Variants in CDH9 observed in about 807,000 individuals in gnomAD.
CDH9 encodes the protein cadherin-9.
Under a neutral mutation model 70.9 loss-of-function variants are expected in CDH9, and 28 were observed. The ratio of observed to expected loss-of-function variants is 0.40; its 90% CI spans 0.29 to 0.54. CDH9 has a LOEUF of 0.54. Ranked by LOEUF, CDH9 falls within the 20% of genes least tolerant of loss-of-function variation. The pLI is 0.59. For synonymous variants in CDH9, 409 were observed against 343.1 expected, an observed-to-expected ratio of 1.19 and a Z score of -2.12; for missense variants, 874 against 984.4, an observed-to-expected ratio of 0.89 and a Z score of 1.50.
chr5:26,903,352 T>C (rs934581690), intron 6 of CDH9: 4 of 498,912 alleles, frequency 8.0e-6, no homozygotes, highest in African/African-American at 7.9e-5. Flanking sequence ...TGGCTGTGTG[T>C]TTATATTTTC....
intron 2 of CDH9, among the ~76,000 whole-genome samples, chr5:26,982,975 G>A (rs181873468): frequency 9.2e-5 from 14 of 152,112 alleles, no homozygotes; most frequent in East Asian, 1.9e-4. Context: ...GTGAGCCACC[G>A]CGCCTGGTCT....
chr5:26,919,781 C>T (rs1303791568), intron 2 of CDH9, among the ~76,000 whole-genome samples: 1 of 152,056 alleles, frequency 6.6e-6, no homozygotes, highest in Non-Finnish European at 1.5e-5. Flanking sequence ...TCCAGACACA[C>T]CCTGGGCCAG....
intron 11 of CDH9, among the ~76,000 whole-genome samples, chr5:26,884,794 T>C (rs186390521): frequency 3.2e-4 from 49 of 152,270 alleles, no homozygotes; most frequent in African/African-American, 1.1e-3. Context: ...TTGGGCTGAA[T>C]ATTTGATAGA....
chr5:27,007,401 C>T (rs1003222541), intron 1 of CDH9, among the ~76,000 whole-genome samples: 2 of 151,866 alleles, frequency 1.3e-5, no homozygotes, highest in African/African-American at 2.4e-5. Context: ...GGGAATTAAA[C>T]AGCTATATAA....
intron 2 of CDH9, among the ~76,000 whole-genome samples, chr5:26,968,293 T>G (rs891195714): frequency 1.5e-5 from 2 of 130,560 alleles, no homozygotes; most frequent in East Asian, 4.1e-4. Context: ...ATTTTTATTT[T>G]TATTTTTTTT....
At chr5:27,008,811 G>C (rs1242579435) in intron 1 of CDH9, among the ~76,000 whole-genome samples, 3 of 152,086 alleles carry the variant, frequency 2.0e-5, no homozygotes, top group Non-Finnish European at 4.4e-5. Flanking sequence ...TTATGAACTG[G>C]ACTATGACAG....
rs1304544612 is a variant in CDH9, at chr5:26,881,604, A to G, written c.1902T>C (p.Ala634=). Residue 634 remains alanine (A), a synonymous_variant, in exon 12 of 12, where the codon GCT becomes GCC. Transcript: ENST00000231021. ...CCTTTTTTCTTTGCCTCTTCAATGC[A>G]GCAAACAACACGACTAAAACTATTA... ...LILLILVVLF[A]ALKRQRKKEP... 1 of 1,609,696 alleles carries G rather than the reference A, an allele frequency of 6.2e-7. No individual in the cohort carries two copies. The highest frequency in any genetic ancestry group is 1.7e-5 in the Admixed American group (1 of 59,192).
intron 2 of CDH9, among the ~76,000 whole-genome samples, chr5:26,924,958 A>T (rs567376586): frequency 6.6e-6 from 1 of 152,182 alleles, no homozygotes; most frequent in East Asian, 1.9e-4. Flanking sequence ...TCACTGATGG[A>T]CATGTGGGTT....
chr5:26,890,900 T>C, intron 7 of CDH9: 1 of 190,824 alleles, frequency 5.2e-6, no homozygotes. Flanking sequence ...TAAACAGTAA[T>C]GTTAAACTTG....
At chr5:26,896,043 C>G (rs1175841451) in intron 7 of CDH9, among the ~76,000 whole-genome samples, 1 of 151,944 alleles carries the variant, frequency 6.6e-6, no homozygotes, top group Admixed American at 6.6e-5. Context: ...TTGGTAGTAC[C>G]ATCTGAAGAA....
intron 1 of CDH9, among the ~76,000 whole-genome samples, chr5:26,991,491 A>G (rs1742578194): frequency 1.3e-5 from 2 of 152,188 alleles, no homozygotes; most frequent in Admixed American, 1.3e-4. Flanking sequence ...CAGAATCGTA[A>G]TGAAGCTGGG....
chr5:27,026,210 A>G (rs1743218662), intron 1 of CDH9, among the ~76,000 whole-genome samples: 1 of 152,044 alleles, frequency 6.6e-6, no homozygotes, highest in African/African-American at 2.4e-5. Context: ...GAAACAAGAA[A>G]TGGAAAGTGT....
rs941641138 is a variant in CDH9 at position 26,886,024 on chromosome 5, A to G, written c.1572T>C (p.Phe524=). ...KDDPPRGHKF[F]FEPVPEFTLN... ...GAGTAAATTCTGGCACTGGTTCAAA[A>G]AAGAATTTGTGACCTCGGGGAGGGT... Residue 524 remains phenylalanine (F), a synonymous_variant, in exon 10 of 12, where the codon TTT becomes TTC. Coordinates refer to ENST00000231021, the MANE Select transcript of CDH9 (RefSeq NM_016279.4). 3.1e-6 allele frequency: 5 copies of G among 1,612,716 alleles called. No homozygotes were observed. Among genetic ancestry groups the G allele is most frequent in the Non-Finnish European group, 4.2e-6 (5 of 1,179,668 alleles).
intron 1 of CDH9, among the ~76,000 whole-genome samples, chr5:27,027,166 T>C: frequency 6.6e-6 from 1 of 152,052 alleles, no homozygotes; most frequent in Non-Finnish European, 1.5e-5. Flanking sequence ...CTTCAAGCGA[T>C]AAAGTGTAGA....
chr5:26,982,592 A>C (rs887611128), intron 2 of CDH9, among the ~76,000 whole-genome samples: 5 of 152,212 alleles, frequency 3.3e-5, no homozygotes, highest in Non-Finnish European at 7.3e-5. Flanking sequence ...AATCCAACAC[A>C]GAGTGAAAGC....
At chr5:26,908,319 A>C (rs1740984714) in intron 3 of CDH9, among the ~76,000 whole-genome samples, 2 of 129,658 alleles carry the variant, frequency 1.5e-5, no homozygotes, top group South Asian at 5.6e-4. Context: ...TCACTTTATG[A>C]TGTGCAGAAG....
chr5:26,891,571 G>A lies in CDH9; in HGVS notation c.1254-1007C>T, dbSNP rs548750752. Among the ~76,000 whole-genome samples the A allele has an allele frequency of 1.0e-3, 152 of 152,050 alleles. 1 individual carries two copies. The highest frequency in any genetic ancestry group is 3.4e-3 in the African/African-American group (140 of 41,486). On this transcript the variant is annotated intron_variant, in intron 7 of 11. Transcript: ENST00000231021. ...CAGACACCTGTAATCCCAGCTACTC[G>A]GGAGGCTGAGGCAGGAGAATCACTT...
chr5:27,023,663 T>A (rs2112128040), intron 1 of CDH9, among the ~76,000 whole-genome samples: 1 of 152,222 alleles, frequency 6.6e-6, no homozygotes, highest in East Asian at 1.9e-4. Context: ...TTCTTCTTGC[T>A]GTAATAATCC....
chr5:26,939,086 A>C (rs998298366), intron 2 of CDH9, among the ~76,000 whole-genome samples: 4 of 151,928 alleles, frequency 2.6e-5, no homozygotes, highest in African/African-American at 9.7e-5. Flanking sequence ...TAAATAGAGG[A>C]ATAATTTCAC....
Sources: gnomAD v4.1 joint callset for allele counts (sites outside exome capture counted in the v4.1 genomes callset) on GRCh38, gnomAD v4.1.1 for gene constraint, MANE v1.5 for transcripts, NCBI Gene and HGNC (gene_info 2026-07-23, HGNC 2026-07-21) for gene names.